Variants in FSTL5 observed in about 807,000 individuals in gnomAD.
FSTL5 encodes the protein follistatin like 5, also known as follistatin-related protein 5.
Under a neutral mutation model 89.1 loss-of-function variants are expected in FSTL5, and 62 were observed. That is an observed-to-expected ratio of 0.70 (90% CI 0.57 to 0.86). The LOEUF is 0.86. FSTL5 is among the 40% of genes least tolerant of loss of function. The pLI is 0.00. For missense variants in FSTL5, 1,057 were observed against 1,001.6 expected (o/e 1.06, Z -0.75); for synonymous variants, 383 against 346.2 (o/e 1.11, Z -1.18).
At chr4:162,038,880 T>C (rs1234473507) in intron 2 of FSTL5, among the ~76,000 whole-genome samples, 14 of 151,834 alleles carry the variant, frequency 9.2e-5, no homozygotes, top group Admixed American at 7.2e-4. Context: ...CATAACAGCA[T>C]TGAGGTAGTA....
chr4:161,511,485 T>C (rs1730650077), intron 10 of FSTL5, among the ~76,000 whole-genome samples: 1 of 152,300 alleles, frequency 6.6e-6, no homozygotes, highest in East Asian at 1.9e-4. Context: ...TTTATGCTGT[T>C]GTTCTTGTGC....
chr4:161,732,801 G>A (rs1227171618), intron 6 of FSTL5, among the ~76,000 whole-genome samples: 1 of 151,578 alleles, frequency 6.6e-6, no homozygotes, highest in Admixed American at 6.6e-5. Flanking sequence ...AAAATCAACT[G>A]ACGTTATCTG....
At chr4:161,690,737 A>G (rs897303719) in intron 6 of FSTL5, among the ~76,000 whole-genome samples, 1 of 152,042 alleles carries the variant, frequency 6.6e-6, no homozygotes, top group Non-Finnish European at 1.5e-5. Context: ...TGTTGTACAG[A>G]TTATTTCATT....
intron 4 of FSTL5, among the ~76,000 whole-genome samples, chr4:161,840,943 A>T (rs910774863): frequency 2.0e-5 from 3 of 152,172 alleles, no homozygotes; most frequent in Non-Finnish European, 2.9e-5. Context: ...CAGAATATGA[A>T]TTAGATAGAG....
intron 6 of FSTL5, among the ~76,000 whole-genome samples, chr4:161,730,434 TTTTA>T (rs1383882440): frequency 1.3e-4 from 20 of 152,114 alleles, no homozygotes; most frequent in African/African-American, 2.9e-4. Context: ...TTGTTTTTTA[TTTTA>T]TTTAACATAG....
intron 12 of FSTL5, 135 bp downstream of exon 12, chr4:161,499,881 C>A (rs1223046061): frequency 3.2e-6 from 2 of 624,866 alleles, no homozygotes; most frequent in Non-Finnish European, 5.6e-6. Flanking sequence ...AAGAATAACA[C>A]CGAATATCAT....
intron 4 of FSTL5, among the ~76,000 whole-genome samples, chr4:161,897,884 T>C (rs1733218155): frequency 6.6e-6 from 1 of 151,578 alleles, no homozygotes; most frequent in Non-Finnish European, 1.5e-5. Context: ...AGCTATTCAT[T>C]CATCCCCTTA....
chr4:161,935,358 T>C (rs1271787347), intron 3 of FSTL5, among the ~76,000 whole-genome samples: 9 of 152,140 alleles, frequency 5.9e-5, no homozygotes, highest in African/African-American at 2.2e-4. Context: ...TCTTTGCCTT[T>C]CCTCAACAAT....
At chr4:161,897,602 A>G (rs866887256) in intron 4 of FSTL5, among the ~76,000 whole-genome samples, 1 of 151,342 alleles carries the variant, frequency 6.6e-6, no homozygotes, top group African/African-American at 2.4e-5. Flanking sequence ...AAAGAAAAAA[A>G]ATATATATAT....
At chr4:161,728,524 G>A (rs1315516602) in intron 6 of FSTL5, among the ~76,000 whole-genome samples, 2 of 152,040 alleles carry the variant, frequency 1.3e-5, no homozygotes, top group East Asian at 3.9e-4. Flanking sequence ...TTTATTTTGA[G>A]CTAAAATGTT....
intron 7 of FSTL5, among the ~76,000 whole-genome samples, chr4:161,614,022 A>C (rs1734752040): frequency 6.6e-6 from 1 of 152,188 alleles, no homozygotes; most frequent in African/African-American, 2.4e-5. Context: ...GAGGGTTTAA[A>C]TAATAAAAAC....
At chr4:162,056,500 G>C (rs1040929149) in intron 2 of FSTL5, among the ~76,000 whole-genome samples, 2 of 152,054 alleles carry the variant, frequency 1.3e-5, no homozygotes, top group Non-Finnish European at 2.9e-5. Context: ...TGAACATTCT[G>C]TCCTTTATAT....
At chr4:161,589,236 T>A (rs1395994066) in intron 7 of FSTL5, among the ~76,000 whole-genome samples, 1 of 152,034 alleles carries the variant, frequency 6.6e-6, no homozygotes, top group African/African-American at 2.4e-5. Context: ...TGCAATGGCA[T>A]GACCTCGTCT....
At chr4:162,055,269 T>C (rs1271896017) in intron 2 of FSTL5, among the ~76,000 whole-genome samples, 1 of 151,748 alleles carries the variant, frequency 6.6e-6, no homozygotes. Context: ...TCATAATTAG[T>C]ACTATAATTC....
chr4:161,834,498 G>C (rs899392548), intron 4 of FSTL5, among the ~76,000 whole-genome samples: 1 of 152,180 alleles, frequency 6.6e-6, no homozygotes, highest in African/African-American at 2.4e-5. Context: ...ATCAGGAAAA[G>C]AGGAAGTCAA....
chr4:162,094,472 CATCAAT>C (rs1730670062), intron 2 of FSTL5, among the ~76,000 whole-genome samples: 1 of 152,024 alleles, frequency 6.6e-6, no homozygotes, highest in African/African-American at 2.4e-5. Context: ...CCCAAATTTC[CATCAAT>C]AGTAGAGTGG....
chr4:162,042,971 A>G (rs1457947550), intron 2 of FSTL5, among the ~76,000 whole-genome samples: 1 of 147,592 alleles, frequency 6.8e-6, no homozygotes, highest in African/African-American at 2.5e-5. Context: ...GGGGAGGGAT[A>G]GCATTGGGAG....
At chr4:162,079,709 G>A (rs113574690) in intron 2 of FSTL5, among the ~76,000 whole-genome samples, 1 of 151,322 alleles carries the variant, frequency 6.6e-6, no homozygotes, top group Non-Finnish European at 1.5e-5. Flanking sequence ...GAGAATAGGA[G>A]AAGGATTTAG....
intron 6 of FSTL5, among the ~76,000 whole-genome samples, chr4:161,661,393 C>G (rs1335873707): frequency 6.6e-6 from 1 of 151,952 alleles, no homozygotes; most frequent in Non-Finnish European, 1.5e-5. Flanking sequence ...AGTAATGTTT[C>G]CTAATAATGG....
Sources: gnomAD v4.1 joint callset for allele counts (sites outside exome capture counted in the v4.1 genomes callset) on GRCh38, gnomAD v4.1.1 for gene constraint, MANE v1.5 for transcripts, NCBI Gene and HGNC (gene_info 2026-07-23, HGNC 2026-07-21) for gene names.